The following TRPC7 variants were observed in gnomAD, a reference collection of about 807,000 sequenced individuals.
The protein encoded by TRPC7 is short transient receptor potential channel 7.
A neutral mutation model predicts 90.1 loss-of-function variants in TRPC7; 42 were observed. That is an observed-to-expected ratio of 0.47 (90% CI 0.36 to 0.60). The LOEUF is 0.60. Among genes scored for constraint, TRPC7 ranks in the 20% least tolerant of loss-of-function variants. The probability of loss-of-function intolerance (pLI) is 0.00; values close to 1 mark genes in which losing one functional copy is unlikely to be tolerated. For synonymous variants in TRPC7, 451 were observed against 436.3 expected, an observed-to-expected ratio of 1.03 and a Z score of -0.42; for missense variants, 955 against 1,112.3, an observed-to-expected ratio of 0.86 and a Z score of 2.01.
chr5:136,354,950 C>T (rs186239303), intron 2 of TRPC7, among the ~76,000 whole-genome samples: 2 of 152,328 alleles, frequency 1.3e-5, no homozygotes, highest in East Asian at 1.9e-4. Flanking sequence ...TCCTTTGAGC[C>T]CTCCCTGAAA....
chr5:136,231,686 C>A (rs1316297002), intron 7 of TRPC7, 137 bp from the exon 8 acceptor site: 3 of 768,128 alleles, frequency 3.9e-6, no homozygotes, highest in Non-Finnish European at 6.1e-6. Flanking sequence ...CTCACTCTAG[C>A]CCTGACCTCC....
chr5:136,231,740 G>GA (rs1173387121), intron 7 of TRPC7, among the ~76,000 whole-genome samples, 191 bp from the exon 8 acceptor site: 2 of 152,094 alleles, frequency 1.3e-5, no homozygotes, highest in African/African-American at 4.8e-5. Flanking sequence ...GAGTAGGTGG[G>GA]ACTACAGCTG....
intron 2 of TRPC7, among the ~76,000 whole-genome samples, chr5:136,325,362 AT>A (rs1179212828): frequency 6.6e-6 from 1 of 152,194 alleles, no homozygotes; most frequent in Non-Finnish European, 1.5e-5. Flanking sequence ...GAGCAGAGAA[AT>A]GGAAAAGTAG....
intron 5 of TRPC7, among the ~76,000 whole-genome samples, chr5:136,259,087 C>G (rs1756773975): frequency 1.3e-5 from 2 of 152,240 alleles, no homozygotes; most frequent in Non-Finnish European, 2.9e-5. Context: ...CTCTTCTTTT[C>G]TAATATAGTA....
chr5:136,216,296 G>A (rs1755265190), intron 10 of TRPC7, 21 bp from the exon 11 acceptor site: 1 of 1,601,034 alleles, frequency 6.2e-7, no homozygotes, highest in African/African-American at 1.3e-5. Context: ...AAGCAAGGAA[G>A]GGATCAGACA....
chr5:136,232,375 C>T (rs1423142182), intron 7 of TRPC7, among the ~76,000 whole-genome samples: 2 of 152,216 alleles, frequency 1.3e-5, no homozygotes, highest in African/African-American at 4.8e-5. Context: ...ACTTAAGCCT[C>T]ATGACCAGCT....
At chr5:136,344,252 C>T (rs1163108636) in intron 2 of TRPC7, among the ~76,000 whole-genome samples, 1 of 152,122 alleles carries the variant, frequency 6.6e-6, no homozygotes, top group Non-Finnish European at 1.5e-5. Flanking sequence ...AAGGGAACAA[C>T]AGACGCTTGG....
chr5:136,305,698 C>T (rs1320264552), intron 3 of TRPC7, among the ~76,000 whole-genome samples: 1 of 152,206 alleles, frequency 6.6e-6, no homozygotes, highest in African/African-American at 2.4e-5. Flanking sequence ...CTTCCCACCT[C>T]TATACAGTCT....
rs367686305 is a variant in TRPC7, at chr5:136,311,495, C to A, written c.963+4102G>T. On this transcript the variant is annotated intron_variant, in intron 3 of 11. Coordinates refer to ENST00000513104, the MANE Select transcript of TRPC7 (RefSeq NM_020389.3). ...ATTCAGAGGCTGGTTGGGTTGGTTC[C>A]CAGTTGTTGGGGCTGGAAGTTTCCT... 8.1e-4 allele frequency among the ~76,000 whole-genome samples: 124 copies of A among 152,226 alleles called. 4 individuals carry two copies. In the South Asian group the frequency reaches 0.025, roughly 30 times the overall value.
chr5:136,256,502 C>A (rs1756689323), intron 5 of TRPC7, among the ~76,000 whole-genome samples: 1 of 152,070 alleles, frequency 6.6e-6, no homozygotes. Flanking sequence ...CTCAAGCTGG[C>A]CTCCCCATCC....
chr5:136,254,335 A>G (rs896684128), intron 5 of TRPC7, among the ~76,000 whole-genome samples: 1 of 152,158 alleles, frequency 6.6e-6, no homozygotes, highest in African/African-American at 2.4e-5. Context: ...CCTGGTTTCA[A>G]AGCTGTGTAG....
At chr5:136,244,238 G>A (rs539115907) in intron 7 of TRPC7, among the ~76,000 whole-genome samples, 1 of 142,146 alleles carries the variant, frequency 7.0e-6, no homozygotes, top group South Asian at 2.2e-4. Flanking sequence ...AGGTTTCACT[G>A]TATTGCCCAG....
Position 136,254,171 on chromosome 5 carries a change from A to T in TRPC7, c.1346-2289T>A, listed in dbSNP as rs112987261. 8.0e-3 allele frequency among the ~76,000 whole-genome samples: 1,221 copies of T among 152,364 alleles called. 14 individuals carry two copies. The highest frequency in any genetic ancestry group is 0.021 in the African/African-American group (859 of 41,582). On this transcript the variant is annotated intron_variant, in intron 5 of 11. Coordinates refer to ENST00000513104, the MANE Select transcript of TRPC7 (RefSeq NM_020389.3). ...GTACAAGGTGAAGCACCAAGTGCTG[A>T]TGCAGAAGCTGCAACAAGTTATCAG... is the stretch of plus-strand genomic sequence containing the variant.
chr5:136,295,388 T>G (rs927137006), intron 3 of TRPC7, among the ~76,000 whole-genome samples: 4 of 152,054 alleles, frequency 2.6e-5, no homozygotes, highest in Non-Finnish European at 5.9e-5. Context: ...TGGTGAGAGG[T>G]TTAGCATCTC....
In TRPC7 at chr5:136,303,978, C is replaced by T. The variant is rs573393309; in HGVS notation, c.963+11619G>A. ...GGGTATTGACGTCCAGGCTCCTAAA[C>T]CTCTTAAAACTCCCCAACTCTGGTG... On this transcript the variant is annotated intron_variant, in intron 3 of 11. Transcript: ENST00000513104. 11 of 152,098 alleles carry T rather than the reference C, an allele frequency of 7.2e-5. No homozygotes were observed. The East Asian group carries it at 1.5e-3, about 21-fold the overall frequency. 9.4% of individuals were successfully genotyped at this position (152,098 alleles called of 1,614,324 possible). A position where few individuals can be genotyped will look rare whatever the true frequency, so the allele number is the denominator to read the frequency against.
chr5:136,240,311 A>C (rs1756119890), intron 7 of TRPC7, among the ~76,000 whole-genome samples: 1 of 152,166 alleles, frequency 6.6e-6, no homozygotes, highest in Admixed American at 6.5e-5. Flanking sequence ...TTTGATGATG[A>C]TCATATGGGA....
At chr5:136,278,215 G>A (rs1368667990) in intron 3 of TRPC7, among the ~76,000 whole-genome samples, 1 of 152,224 alleles carries the variant, frequency 6.6e-6, no homozygotes, top group Non-Finnish European at 1.5e-5. Flanking sequence ...TTTAATTGTA[G>A]TTATAGTTCT....
chr5:136,225,902 G>A (rs1755611291), intron 9 of TRPC7, 132 bp downstream of exon 9: 2 of 711,918 alleles, frequency 2.8e-6, no homozygotes, highest in South Asian at 1.9e-5. Flanking sequence ...ACTCTACAGA[G>A]TACCGGCCCT....
At position 136,213,457 on chromosome 5, in the gene TRPC7, A is replaced by G. The variant is rs1755158292; in HGVS notation, c.2567T>C (p.Val856Ala). The change falls in exon 12 of 12, where the codon GTG (valine) becomes GCG (alanine). Residue 856 changes from valine (V) to alanine (A), a missense_variant. By Grantham distance (64) the Val-to-Ala change is moderately conservative. Transcript: ENST00000513104. ...CTGCTAAATGTCTTTGCCCTTGTTC[A>G]CCCTCAGGTGGTCTTTGTTTAAGTT... The part of the protein sequence containing the change: ...GKNLNKDHLR[V>A]NKGKDI 2.5e-6 allele frequency: 4 copies of G among 1,613,694 alleles called. No homozygotes were observed. Among genetic ancestry groups the G allele is most frequent in the African/African-American group, 1.3e-5 (1 of 74,882 alleles).
Sources: allele counts gnomAD v4.1 joint callset (sites outside exome capture counted in the v4.1 genomes callset), GRCh38; gene constraint gnomAD v4.1.1; transcripts MANE v1.5; gene names NCBI Gene and HGNC (gene_info 2026-07-23, HGNC 2026-07-21).